The following LINGO2 variants were observed in gnomAD, a reference collection of about 807,000 sequenced individuals.
The protein encoded by LINGO2 is leucine rich repeat and Ig domain containing 2.
A neutral mutation model predicts 30.6 loss-of-function variants in LINGO2; 14 were observed. The observed-to-expected ratio is 0.46, with a 90% confidence interval of 0.30 to 0.72. The LOEUF (loss-of-function observed/expected upper bound fraction) is 0.72. LINGO2 is among the 30% of genes least tolerant of loss of function. The pLI is 0.07. For missense variants in LINGO2, 729 were observed against 751.7 expected (o/e 0.97, Z 0.35); for synonymous variants, 317 against 288.5 (o/e 1.10, Z -1.00).
the LINGO2 span, among the ~76,000 whole-genome samples, chr9:29,033,871 A>G: frequency 1.3e-5 from 2 of 152,232 alleles, no homozygotes; most frequent in East Asian, 1.9e-4. Flanking sequence ...AGTTGAGCTC[A>G]GGAGTTCCAG....
upstream of LINGO2, among the ~76,000 whole-genome samples, chr9:28,675,251 TA>T (rs1297439218): frequency 1.3e-5 from 2 of 152,194 alleles, no homozygotes; most frequent in Non-Finnish European, 2.9e-5. Context: ...TCACTGCCTT[TA>T]AAGTTTCAAA....
the LINGO2 span, among the ~76,000 whole-genome samples, chr9:28,785,000 T>A: frequency 6.6e-6 from 1 of 151,406 alleles, no homozygotes; most frequent in Admixed American, 6.6e-5. Flanking sequence ...ATGAGGATAC[T>A]CAGAGCTAAC....
chr9:28,476,895 T>A (rs1377910652), intron 1 of LINGO2, among the ~76,000 whole-genome samples: 1 of 152,216 alleles, frequency 6.6e-6, no homozygotes, highest in Non-Finnish European at 1.5e-5. Flanking sequence ...AAAACTGGAA[T>A]CTGCTTTTGG....
chr9:29,169,491 G>A, the LINGO2 span, among the ~76,000 whole-genome samples: 2 of 151,674 alleles, frequency 1.3e-5, no homozygotes, highest in Non-Finnish European at 2.9e-5. Flanking sequence ...TTCTTCAAAA[G>A]AAGGCATACG....
the LINGO2 span, among the ~76,000 whole-genome samples, chr9:28,967,977 A>G: frequency 6.6e-6 from 1 of 152,220 alleles, no homozygotes; most frequent in Admixed American, 6.5e-5. Context: ...TTCAAATAAC[A>G]TACATATATT....
intron 1 of LINGO2, among the ~76,000 whole-genome samples, chr9:28,516,673 G>A (rs1041963765): frequency 1.1e-4 from 17 of 152,294 alleles, no homozygotes; most frequent in African/African-American, 2.9e-4. Context: ...GACAATATTT[G>A]ATATTCTCAT....
intron 3 of LINGO2, among the ~76,000 whole-genome samples, chr9:28,299,134 C>T (rs957511381): frequency 2.3e-4 from 35 of 152,032 alleles, no homozygotes; most frequent in African/African-American, 8.5e-4. Flanking sequence ...CTTCATCTTC[C>T]CCGTGGAGAC....
At chr9:28,328,519 G>C (rs778663070) in intron 3 of LINGO2, among the ~76,000 whole-genome samples, 109 of 151,014 alleles carry the variant, frequency 7.2e-4, no homozygotes, top group Non-Finnish European at 1.1e-3. Context: ...GAAGAGAAGA[G>C]GAATTTTTAG....
the LINGO2 span, among the ~76,000 whole-genome samples, chr9:28,866,620 A>G: frequency 6.6e-6 from 1 of 152,194 alleles, no homozygotes; most frequent in African/African-American, 2.4e-5. Flanking sequence ...AGTGCTACAC[A>G]ATATGGTACA....
chr9:28,885,718 C>T, the LINGO2 span, among the ~76,000 whole-genome samples: 1 of 152,044 alleles, frequency 6.6e-6, no homozygotes, highest in Non-Finnish European at 1.5e-5. Context: ...TTCTAGTTGC[C>T]TAAGGTTCTG....
At chr9:28,993,083 T>A in the LINGO2 span, among the ~76,000 whole-genome samples, 1 of 152,200 alleles carries the variant, frequency 6.6e-6, no homozygotes, top group East Asian at 1.9e-4. Context: ...AGGAGCTGGT[T>A]TTTTGAAAGG....
chr9:28,117,713 G>T (rs1826966002), intron 4 of LINGO2, among the ~76,000 whole-genome samples: 1 of 143,166 alleles, frequency 7.0e-6, no homozygotes, highest in South Asian at 2.4e-4. Context: ...CTCGGAAAGG[G>T]AACTCCCTGA....
chr9:28,206,023 G>T (rs2133838389), intron 4 of LINGO2, among the ~76,000 whole-genome samples: 1 of 152,116 alleles, frequency 6.6e-6, no homozygotes, highest in Non-Finnish European at 1.5e-5. Context: ...AGACTAGCCA[G>T]GTGTGGTGGT....
chr9:29,082,432 A>G, the LINGO2 span, among the ~76,000 whole-genome samples: 3 of 152,228 alleles, frequency 2.0e-5, no homozygotes, highest in South Asian at 6.2e-4. Context: ...AATTAATTCA[A>G]GATGGCTTAA....
At chr9:29,113,226 T>C in the LINGO2 span, among the ~76,000 whole-genome samples, 5 of 152,118 alleles carry the variant, frequency 3.3e-5, no homozygotes, top group Non-Finnish European at 7.4e-5. Flanking sequence ...CTAAGAAGGA[T>C]AAGACACCAG....
At chr9:28,046,751 G>A (rs773977626) in intron 4 of LINGO2, among the ~76,000 whole-genome samples, 18 of 150,054 alleles carry the variant, frequency 1.2e-4, no homozygotes, top group African/African-American at 2.3e-4. Flanking sequence ...TATCTACCAC[G>A]ATATTGTCCC....
rs544886126 is a variant in LINGO2 at position 28,361,983 on chromosome 9, A to G, written c.-246+10853T>C. Reference sequence around the variant, plus strand: ...TTTACATCTATGCCCGCTGCACCACATAGGCCATTGTTTCTCCAAAGGTGG... The same window carrying G: ...TTTACATCTATGCCCGCTGCACCACGTAGGCCATTGTTTCTCCAAAGGTGG... On this transcript the variant is annotated intron_variant, in intron 3 of 5. Transcript: ENST00000379992. Among the ~76,000 whole-genome samples, 23 of 152,306 alleles carry G rather than the reference A, an allele frequency of 1.5e-4. 1 individual carries two copies. Among genetic ancestry groups the G allele is most frequent in the African/African-American group, 5.1e-4 (21 of 41,576 alleles).
At chr9:28,883,628 G>GTGTGTATGTATATATATA in the LINGO2 span, among the ~76,000 whole-genome samples, 2,240 of 63,982 alleles carry the variant, frequency 0.035, 550 homozygotes, top group Non-Finnish European at 0.046. Context: ...ATGTGTGTGT[G>GTGTGTATGTATATATATA]TATATATATA....
the LINGO2 span, among the ~76,000 whole-genome samples, chr9:28,695,145 G>C: frequency 6.6e-6 from 1 of 151,754 alleles, no homozygotes; most frequent in Admixed American, 6.6e-5. Context: ...AGTGAACAAA[G>C]TTTTTCATAA....
Sources: gnomAD v4.1 joint callset for allele counts (sites outside exome capture counted in the v4.1 genomes callset) on GRCh38, gnomAD v4.1.1 for gene constraint, MANE v1.5 for transcripts, NCBI Gene and HGNC (gene_info 2026-07-23, HGNC 2026-07-21) for gene names.